The following EPB41L2 variants were observed in gnomAD, a reference collection of about 807,000 sequenced individuals.
EPB41L2 encodes the protein erythrocyte membrane protein band 4.1 like 2.
EPB41L2 carries 43 observed loss-of-function variants against 113.0 expected under a neutral mutation model. The observed-to-expected ratio is 0.38, with a 90% CI of 0.30 to 0.49. The LOEUF (loss-of-function observed/expected upper bound fraction) is 0.49. EPB41L2 is among the 20% of genes least tolerant of loss of function. EPB41L2 has a pLI of 0.95. For synonymous variants in EPB41L2, 442 were observed against 436.7 expected (o/e 1.01, Z -0.15); for missense variants, 1,147 against 1,223.4 (o/e 0.94, Z 0.93).
intron 14 of EPB41L2, chr6:130,876,630 A>AG (rs35164307): frequency 2.6e-6 from 3 of 1,158,472 alleles, no homozygotes; most frequent in Non-Finnish European, 3.4e-6. Flanking sequence ...ACAAAAGGAA[A>AG]GGGGGAAAAA....
chr6:131,044,590 C>T (rs1365819335), intron 1 of EPB41L2, among the ~76,000 whole-genome samples: 3 of 152,122 alleles, frequency 2.0e-5, no homozygotes, highest in African/African-American at 4.8e-5. Context: ...GAAGATACCC[C>T]GGTGGTCACA....
At chr6:130,920,389 T>C (rs2128538681) in intron 4 of EPB41L2, among the ~76,000 whole-genome samples, 1 of 152,362 alleles carries the variant, frequency 6.6e-6, no homozygotes, top group African/African-American at 2.4e-5. Flanking sequence ...AAACTTGTAC[T>C]GGACATTGCA....
intron 1 of EPB41L2, among the ~76,000 whole-genome samples, chr6:130,983,330 G>A (rs184370895): frequency 6.6e-6 from 1 of 152,218 alleles, no homozygotes; most frequent in African/African-American, 2.4e-5. Flanking sequence ...ATGTGTCAAT[G>A]AGGATCATGT....
At position 130,885,227 on chromosome 6, in the gene EPB41L2, G is replaced by A. The variant is rs144342263; in HGVS notation, c.1702C>T (p.Pro568Ser). 1 of 1,614,086 alleles carries A rather than the reference G, an allele frequency of 6.2e-7. No homozygotes were observed. The highest frequency in any genetic ancestry group is 2.2e-5 in the East Asian group (1 of 44,870). ...VMDQSLMKDF[P>S]GAAGEISAYG... is the part of the protein sequence containing the mutation. ...GCTGAAATCTCCCCAGCAGCGCCAGGAAAATCCTTCATAAGACTTTGGTCC... is the reference window on the plus strand; with the variant it reads ...GCTGAAATCTCCCCAGCAGCGCCAGAAAAATCCTTCATAAGACTTTGGTCC... Residue 568 changes from proline to serine, a missense_variant, in exon 12 of 20, where the codon CCT becomes TCT. Pro to Ser is a moderately conservative substitution (Grantham distance 74). Coordinates refer to ENST00000337057, the MANE Select transcript of EPB41L2 (RefSeq NM_001431.4).
chr6:131,047,395 T>C (rs1795674840), intron 1 of EPB41L2, among the ~76,000 whole-genome samples: 1 of 152,180 alleles, frequency 6.6e-6, no homozygotes, highest in African/African-American at 2.4e-5. Context: ...GTGTCTGACA[T>C]ATATTAAGTA....
intron 3 of EPB41L2, among the ~76,000 whole-genome samples, chr6:130,939,062 C>T (rs879524203): frequency 4.6e-5 from 7 of 151,972 alleles, no homozygotes; most frequent in African/African-American, 1.7e-4. Context: ...ACCATGAACA[C>T]AGGAATGAAA....
At chr6:130,935,582 CA>C (rs1032704044) in intron 3 of EPB41L2, among the ~76,000 whole-genome samples, 1 of 152,110 alleles carries the variant, frequency 6.6e-6, no homozygotes, top group Non-Finnish European at 1.5e-5. Flanking sequence ...ATTATTAACA[CA>C]AAAAAACCCA....
At chr6:131,026,985 ACT>A (rs1270757161) in intron 1 of EPB41L2, among the ~76,000 whole-genome samples, 1 of 152,104 alleles carries the variant, frequency 6.6e-6, no homozygotes, top group Non-Finnish European at 1.5e-5. Context: ...TCTAAAACTT[ACT>A]CTGTCATTGT....
chr6:130,948,108 C>A (rs1006897232), intron 3 of EPB41L2, among the ~76,000 whole-genome samples: 1 of 152,166 alleles, frequency 6.6e-6, no homozygotes, highest in South Asian at 2.1e-4. Context: ...CTCCAAAGTT[C>A]ATTCTTATAA....
rs183355558 is a variant in EPB41L2, at chr6:130,870,533, A to G, written c.2044-407T>C. ...AGGTCACATAGAGGACAATCAAGAC[A>G]AATGCCAAAAAGCTTACAAAAAGAC... On this transcript the variant is annotated intron_variant, in intron 14 of 19. Transcript: ENST00000337057. 2.5e-3 allele frequency among the ~76,000 whole-genome samples: 382 copies of G among 152,316 alleles called. 1 individual carries two copies. Among genetic ancestry groups the G allele is most frequent in the African/African-American group, 8.8e-3 (366 of 41,564 alleles).
chr6:130,862,807 A>C (rs1782575761), intron 18 of EPB41L2, among the ~76,000 whole-genome samples: 1 of 152,174 alleles, frequency 6.6e-6, no homozygotes, highest in African/African-American at 2.4e-5. Context: ...TTGTTCTCTA[A>C]AATTTTCTTT....
At chr6:131,004,397 C>T (rs1028185895) in intron 1 of EPB41L2, among the ~76,000 whole-genome samples, 2 of 152,044 alleles carry the variant, frequency 1.3e-5, no homozygotes, top group African/African-American at 4.8e-5. Flanking sequence ...AAAGTAAACA[C>T]CAATATATGT....
intron 1 of EPB41L2, among the ~76,000 whole-genome samples, chr6:130,965,724 A>C (rs1295390939): frequency 1.3e-5 from 2 of 152,126 alleles, no homozygotes; most frequent in African/African-American, 2.4e-5. Context: ...CTCTTAGTAA[A>C]AGAAATGAAA....
At chr6:130,979,600 T>C (rs544162042) in intron 1 of EPB41L2, among the ~76,000 whole-genome samples, 2 of 151,528 alleles carry the variant, frequency 1.3e-5, no homozygotes, top group Admixed American at 6.6e-5. Context: ...TATCAATAAA[T>C]ATTTAATGGA....
intron 14 of EPB41L2, among the ~76,000 whole-genome samples, chr6:130,872,796 C>A (rs1786193036): frequency 6.6e-6 from 1 of 152,170 alleles, no homozygotes; most frequent in African/African-American, 2.4e-5. Context: ...TGATCACCAA[C>A]TGAGCACAAC....
chr6:130,998,007 C>A (rs988601349), intron 1 of EPB41L2, among the ~76,000 whole-genome samples: 1 of 152,100 alleles, frequency 6.6e-6, no homozygotes, highest in African/African-American at 2.4e-5. Context: ...TCTATAATTC[C>A]TGTTAAAAGG....
chr6:130,966,925 C>G (rs1382655207), intron 1 of EPB41L2, among the ~76,000 whole-genome samples: 1 of 152,094 alleles, frequency 6.6e-6, no homozygotes, highest in Non-Finnish European at 1.5e-5. Context: ...TTTCTATATC[C>G]TCAAAGAATC....
intron 3 of EPB41L2, among the ~76,000 whole-genome samples, chr6:130,930,444 T>C (rs1316414580): frequency 6.6e-6 from 1 of 152,192 alleles, no homozygotes; most frequent in Non-Finnish European, 1.5e-5. Flanking sequence ...GATTTCCAAT[T>C]TCTTGATTTG....
chr6:130,939,097 C>T (rs970576454), intron 3 of EPB41L2, among the ~76,000 whole-genome samples: 3 of 152,046 alleles, frequency 2.0e-5, no homozygotes, highest in Non-Finnish European at 2.9e-5. Flanking sequence ...TGCACAGGCT[C>T]CAACCAGGGG....
Sources: allele counts gnomAD v4.1 joint callset (sites outside exome capture counted in the v4.1 genomes callset), GRCh38; gene constraint gnomAD v4.1.1; transcripts MANE v1.5; gene names NCBI Gene and HGNC (gene_info 2026-07-23, HGNC 2026-07-21).